The following GDPD4 variants were observed in gnomAD, a reference collection of about 807,000 sequenced individuals.
GDPD4 encodes the protein glycerophosphodiester phosphodiesterase domain containing 4.
GDPD4 carries 60 observed loss-of-function variants against 67.8 expected under a neutral mutation model. The observed-to-expected ratio is 0.88, with a 90% CI of 0.72 to 1.10. GDPD4 has a LOEUF of 1.10. Among genes scored for constraint, GDPD4 ranks in the 50% least tolerant of loss-of-function variants. The probability of loss-of-function intolerance (pLI) is 0.00; values close to 1 mark genes in which losing one functional copy is unlikely to be tolerated. For synonymous variants in GDPD4, 212 were observed against 210.9 expected, an observed-to-expected ratio of 1.00 and a Z score of -0.04; for missense variants, 623 against 613.9, an observed-to-expected ratio of 1.01 and a Z score of -0.16.
intron 8 of GDPD4, 120 bp downstream of exon 8, chr11:77,269,763 G>A (rs1025326956): frequency 2.2e-5 from 13 of 602,792 alleles, no homozygotes; most frequent in South Asian, 4.3e-5. Context: ...CAATGCCTGC[G>A]ATAACCAGCC....
Position 77,233,131 on chromosome 11 carries a change from A to G in GDPD4, c.1283T>C (p.Val428Ala), listed in dbSNP as rs752195288. ...AANIHINVYT[V>A]NEPWLFSLAW... ...CAGTGAGAAAAGCCAAGGCTCATTG[A>G]CGGTGTATACGTTGATATGGATGTT... The change falls in exon 14 of 17, where the codon GTC becomes GCC. Residue 428 changes from valine (V) to alanine (A), a missense_variant. Transcript: ENST00000315938. 6.2e-7 allele frequency: 1 copy of G among 1,614,064 alleles called. No homozygotes were observed. Among genetic ancestry groups the G allele is most frequent in the Non-Finnish European group, 8.5e-7 (1 of 1,179,948 alleles).
chr11:77,265,859 A>T (rs1959175722), intron 10 of GDPD4, among the ~76,000 whole-genome samples: 1 of 152,122 alleles, frequency 6.6e-6, no homozygotes, highest in South Asian at 2.1e-4. Context: ...ATTTTTCTCC[A>T]TCCCTTTAAT....
chr11:77,251,955 GA>G (rs1958907175), intron 11 of GDPD4, among the ~76,000 whole-genome samples: 1 of 151,750 alleles, frequency 6.6e-6, no homozygotes, highest in Non-Finnish European at 1.5e-5. Context: ...TTCTTCTGCT[GA>G]AACAAGTCTC....
rs1959638774 is a variant in GDPD4, at chr11:77,279,225, A to G, written c.147+81T>C. The G allele has an allele frequency of 7.0e-6, 6 of 856,442 alleles. No individual in the cohort carries two copies. In the South Asian group the frequency reaches 8.7e-5, roughly 12 times the overall value. 53.1% of individuals were successfully genotyped at this position (856,442 alleles called of 1,614,324 possible). ...TTAGGTTCTGAGAGTCCCCAGTACC[A>G]ACTGGATACTATACCACAGGCAGGA... On this transcript the variant is annotated intron_variant, in intron 4 of 16. Transcript: ENST00000315938.
At chr11:77,268,672 G>A in intron 9 of GDPD4, 133 bp from the exon 10 acceptor site, 3 of 779,396 alleles carry the variant, frequency 3.8e-6, no homozygotes, top group Non-Finnish European at 6.5e-6. Flanking sequence ...TTCAAAACCT[G>A]TATACCCTCC....
At chr11:77,228,530 T>TAAAAAAA (rs1958390375) in intron 15 of GDPD4, among the ~76,000 whole-genome samples, 1 of 64,368 alleles carries the variant, frequency 1.6e-5, no homozygotes, top group Admixed American at 1.7e-4. Context: ...AAAAAAAAAT[T>TAAAAAAA]AGCCAGGCAC....
intron 2 of GDPD4, among the ~76,000 whole-genome samples, chr11:77,285,942 C>T (rs1168184759): frequency 6.6e-6 from 1 of 152,316 alleles, no homozygotes; most frequent in Admixed American, 6.5e-5. Flanking sequence ...CTTTTCAATA[C>T]GTCCTCCACA....
chr11:77,276,737 T>G (rs1352089389), intron 4 of GDPD4, among the ~76,000 whole-genome samples: 2 of 152,190 alleles, frequency 1.3e-5, no homozygotes, highest in African/African-American at 4.8e-5. Flanking sequence ...ATCTAGCCAG[T>G]CACCAAGTCA....
chr11:77,250,436 T>A (rs75387619), intron 11 of GDPD4, among the ~76,000 whole-genome samples: 3,695 of 152,310 alleles, frequency 0.024, 165 homozygotes, highest in African/African-American at 0.084. Flanking sequence ...TTTTTATAAG[T>A]GCATAGTATT....
intron 16 of GDPD4, among the ~76,000 whole-genome samples, chr11:77,223,250 TG>T (rs1237240470): frequency 6.6e-6 from 1 of 152,186 alleles, no homozygotes; most frequent in Non-Finnish European, 1.5e-5. Context: ...CATCCAGCTT[TG>T]TTCTGTTGCT....
At chr11:77,277,458 T>G (rs183254142) in intron 4 of GDPD4, among the ~76,000 whole-genome samples, 3 of 130,580 alleles carry the variant, frequency 2.3e-5, no homozygotes, top group African/African-American at 8.4e-5. Flanking sequence ...TGGAGTGCAG[T>G]GTGGCTCGAT....
chr11:77,237,893 A>C (rs556333403), intron 13 of GDPD4, among the ~76,000 whole-genome samples: 7 of 152,260 alleles, frequency 4.6e-5, no homozygotes, highest in African/African-American at 1.7e-4. Flanking sequence ...TGCACTACAA[A>C]CTGAGTGACA....
chr11:77,245,345 A>G lies in GDPD4; in HGVS notation c.1022T>C (p.Leu341Pro), dbSNP rs1489671293. 3.1e-6 allele frequency: 5 copies of G among 1,614,032 alleles called. No individual in the cohort carries two copies. Among genetic ancestry groups the G allele is most frequent in the Non-Finnish European group, 4.2e-6 (5 of 1,180,042 alleles). ...TACTTGGCGGACAAATGTGTGTCTG[A>G]GAGGATGTTTTGGTGGAGGGCGATG... ...DLHRPPPKHPLRHTFVRQVVS... is the reference protein window; with the variant it reads ...DLHRPPPKHPPRHTFVRQVVS... Residue 341 changes from leucine to proline, a missense_variant, in exon 12 of 17, where the codon CTC becomes CCC. Leu to Pro is a moderately conservative substitution (Grantham distance 98). Coordinates refer to ENST00000315938, the MANE Select transcript of GDPD4 (RefSeq NM_182833.3).
intron 1 of GDPD4, among the ~76,000 whole-genome samples, chr11:77,296,780 C>T (rs924782822): frequency 1.3e-5 from 2 of 151,262 alleles, no homozygotes; most frequent in African/African-American, 4.9e-5. Context: ...CCTTTTTTGG[C>T]CGGGTGCGGT....
intron 16 of GDPD4, among the ~76,000 whole-genome samples, chr11:77,225,329 A>AT (rs1163050914): frequency 6.6e-6 from 1 of 151,450 alleles, no homozygotes; most frequent in Non-Finnish European, 1.5e-5. Context: ...TCAGTAACCT[A>AT]TGGGATAATA....
At chr11:77,247,974 C>T (rs759786512) in intron 11 of GDPD4, among the ~76,000 whole-genome samples, 7 of 148,766 alleles carry the variant, frequency 4.7e-5, no homozygotes, top group Non-Finnish European at 1.0e-4. Flanking sequence ...ATCGCTTGAA[C>T]CGGGAGGCAG....
chr11:77,271,285 T>A lies in GDPD4; in HGVS notation c.306+10A>T, dbSNP rs369777490. 6.5e-4 allele frequency: 1,054 copies of A among 1,610,846 alleles called. 1 individual carries two copies. The highest frequency in any genetic ancestry group is 8.2e-4 in the Non-Finnish European group (960 of 1,177,008). On this transcript the variant is annotated intron_variant, in intron 6 of 16. Coordinates refer to ENST00000315938, the MANE Select transcript of GDPD4 (RefSeq NM_182833.3). ...GACAGCTAGTGCTGGAGCTATAGGA[T>A]GATGCTTACCTGCATTGACAGCCCA...
chr11:77,245,204 G>T, intron 12 of GDPD4, 77 bp downstream of exon 12: 1 of 1,057,174 alleles, frequency 9.5e-7, no homozygotes, highest in Non-Finnish European at 1.5e-6. Context: ...TACAAGGTAG[G>T]TCAAGTTCAA....
At chr11:77,282,710 A>AC (rs113116396) in intron 3 of GDPD4, among the ~76,000 whole-genome samples, 30 of 150,046 alleles carry the variant, frequency 2.0e-4, no homozygotes, top group Non-Finnish European at 2.8e-4. Flanking sequence ...AACAACAACA[A>AC]AAAAAAAAAC....
Sources: allele counts gnomAD v4.1 joint callset (sites outside exome capture counted in the v4.1 genomes callset), GRCh38; gene constraint gnomAD v4.1.1; transcripts MANE v1.5; gene names NCBI Gene and HGNC (gene_info 2026-07-23, HGNC 2026-07-21).